ODR4: variants seen among roughly 807,000 people sequenced by gnomAD.
ODR4 encodes the protein protein odr-4 homolog.
Under a neutral mutation model 60.2 loss-of-function variants are expected in ODR4, and 47 were observed. That is an observed-to-expected ratio of 0.78 (90% confidence interval 0.62 to 1.00). ODR4 has a LOEUF of 1.00. Ranked by LOEUF, ODR4 falls within the 50% of genes least tolerant of loss-of-function variation. ODR4 has a pLI of 0.00. For synonymous variants in ODR4, 178 were observed against 175.5 expected (o/e 1.01, Z -0.11); for missense variants, 488 against 530.8 (o/e 0.92, Z 0.79).
At chr1:186,382,477 C>A (rs551903863) in intron 2 of ODR4, among the ~76,000 whole-genome samples, 56 of 151,862 alleles carry the variant, frequency 3.7e-4, no homozygotes, top group African/African-American at 1.4e-3. Flanking sequence ...CAAAACAAAA[C>A]AAAAAACTTG....
At chr1:186,396,177 A>G (rs538025155) in intron 9 of ODR4, among the ~76,000 whole-genome samples, 2 of 152,204 alleles carry the variant, frequency 1.3e-5, no homozygotes, top group East Asian at 3.9e-4. Flanking sequence ...TGTCAGCATC[A>G]TAGAAGTTCC....
At position 186,406,232 on chromosome 1, in the gene ODR4, A is replaced by G; in HGVS notation, c.1150A>G (p.Ile384Val). 2 of 1,606,822 alleles carry G rather than the reference A, an allele frequency of 1.2e-6. No individual in the cohort carries two copies. The highest frequency in any genetic ancestry group is 1.7e-6 in the Non-Finnish European group (2 of 1,177,376). Residue 384 changes from isoleucine to valine, a missense_variant, in exon 12 of 14, where the codon ATA (isoleucine) becomes GTA (valine). Ile to Val is a conservative substitution (Grantham distance 29, BLOSUM62 3). Coordinates refer to ENST00000287859, the MANE Select transcript of ODR4 (RefSeq NM_017847.6). The part of the protein sequence containing the change: ...FMEMLDHTIQ[I>V]EDLEIAEETN... ...GGAGATGTTGGATCACACAATTCAA[A>G]TAGAAGATTTGGAAATTGCAGAGGA...
At chr1:186,404,359 T>C (rs1312732587) in intron 11 of ODR4, among the ~76,000 whole-genome samples, 1 of 152,244 alleles carries the variant, frequency 6.6e-6, no homozygotes, top group African/African-American at 2.4e-5. Flanking sequence ...TGCTTTTTCT[T>C]TTTAATGAGT....
intron 8 of ODR4, 135 bp from the exon 9 acceptor site, chr1:186,393,812 A>G: frequency 3.3e-6 from 2 of 613,506 alleles, no homozygotes; most frequent in East Asian, 3.0e-5. Flanking sequence ...TAATATCTAT[A>G]TAAAAAGCTA....
chr1:186,400,282 G>A (rs998366701), intron 11 of ODR4, among the ~76,000 whole-genome samples: 5 of 150,664 alleles, frequency 3.3e-5, no homozygotes, highest in African/African-American at 9.8e-5. Flanking sequence ...GAGCCACCGC[G>A]CCCGGCCTCC....
At chr1:186,417,351 T>C in intron 12 of ODR4, 193 bp from the exon 13 acceptor site, 1 of 510,918 alleles carries the variant, frequency 2.0e-6, no homozygotes, top group Non-Finnish European at 3.5e-6. Context: ...TTTTGAAAAC[T>C]GTTAATTTGA....
At chr1:186,410,833 T>TC (rs1661354093) in intron 12 of ODR4, among the ~76,000 whole-genome samples, 2 of 151,898 alleles carry the variant, frequency 1.3e-5, no homozygotes, top group African/African-American at 4.8e-5. Flanking sequence ...CTGACCAACA[T>TC]GGAGAAACCC....
At chr1:186,418,111 T>C (rs1383885620) in intron 13 of ODR4, among the ~76,000 whole-genome samples, 1 of 152,202 alleles carries the variant, frequency 6.6e-6, no homozygotes, top group Non-Finnish European at 1.5e-5. Flanking sequence ...ATGCAGACTA[T>C]TGTTTAGTGG....
chr1:186,419,027 C>A lies in ODR4; in HGVS notation c.1316C>A (p.Thr439Lys). The change falls in exon 14 of 14, where the codon ACA becomes AAA. Residue 439 changes from threonine to lysine, a missense_variant. Transcript: ENST00000287859. Reference protein sequence around the residue: ...QQNIGVIAAFTVAVLAAGISF... With the variant: ...QQNIGVIAAFKVAVLAAGISF... ...CTTTTAGGTGTGATTGCAGCATTTA[C>A]AGTTGCAGTCCTTGCTGCGGGTATC... is the stretch of plus-strand genomic sequence containing the variant. 6.2e-7 allele frequency: 1 copy of A among 1,609,282 alleles called. No individual in the cohort carries two copies.
intron 12 of ODR4, among the ~76,000 whole-genome samples, chr1:186,416,662 ACT>A (rs1485461182): frequency 2.6e-5 from 4 of 151,774 alleles, no homozygotes; most frequent in Admixed American, 2.6e-4. Flanking sequence ...ACAGAGCAAG[ACT>A]CTGTCTCAAA....
chr1:186,383,678 G>GAGATAT (rs141878801), intron 3 of ODR4, among the ~76,000 whole-genome samples: 25 of 140,770 alleles, frequency 1.8e-4, no homozygotes, highest in African/African-American at 6.5e-4. Context: ...TGTGTATGTA[G>GAGATAT]ATATATATAT....
intron 12 of ODR4, among the ~76,000 whole-genome samples, chr1:186,407,968 T>A (rs1661231889): frequency 6.6e-6 from 1 of 152,126 alleles, no homozygotes. Flanking sequence ...AATTACTTCT[T>A]AAATATACTC....
At chr1:186,388,787 A>C (rs995882882) in intron 5 of ODR4, among the ~76,000 whole-genome samples, 2 of 152,132 alleles carry the variant, frequency 1.3e-5, no homozygotes, top group African/African-American at 4.8e-5. Flanking sequence ...AGGATTCTGA[A>C]TTTTTTACCA....
downstream of ODR4, among the ~76,000 whole-genome samples, chr1:186,422,537 A>G (rs1457157833): frequency 1.3e-5 from 2 of 152,206 alleles, no homozygotes; most frequent in Non-Finnish European, 2.9e-5. Context: ...TATTTTAAGC[A>G]TGAGGCAAGT....
At chr1:186,418,289 C>CTTTTTTTT (rs35821609) in intron 13 of ODR4, among the ~76,000 whole-genome samples, 20 of 110,354 alleles carry the variant, frequency 1.8e-4, no homozygotes, top group Admixed American at 2.9e-4. Context: ...TTCTTTCTTT[C>CTTTTTTTT]TTTTTTTTTT....
intron 11 of ODR4, among the ~76,000 whole-genome samples, chr1:186,404,144 TTTTA>T: frequency 6.6e-6 from 1 of 152,340 alleles, no homozygotes; most frequent in East Asian, 1.9e-4. Flanking sequence ...TTTAAAATTT[TTTTA>T]TTTGTTTTGA....
the ODR4 span, among the ~76,000 whole-genome samples, chr1:186,429,405 A>ACT: frequency 7.9e-4 from 120 of 152,340 alleles, 1 homozygote; most frequent in African/African-American, 2.6e-3. Context: ...GGTTGTAAAA[A>ACT]CTTTCTACTT....
chr1:186,399,164 C>A, intron 11 of ODR4, 120 bp downstream of exon 11: 13 of 719,772 alleles, frequency 1.8e-5, no homozygotes, highest in East Asian at 5.9e-5. Flanking sequence ...AGCAGTATAT[C>A]ATCTTTTATT....
intron 2 of ODR4, among the ~76,000 whole-genome samples, chr1:186,382,690 A>G (rs1030964804): frequency 6.6e-6 from 1 of 152,230 alleles, no homozygotes; most frequent in African/African-American, 2.4e-5. Flanking sequence ...CTGAATAAGC[A>G]TATTACTTTT....
Sources: gnomAD v4.1 joint callset for allele counts (sites outside exome capture counted in the v4.1 genomes callset) on GRCh38, gnomAD v4.1.1 for gene constraint, MANE v1.5 for transcripts, NCBI Gene and HGNC (gene_info 2026-07-23, HGNC 2026-07-21) for gene names.